The following AFF2 variants were observed in gnomAD, a reference collection of about 807,000 sequenced individuals.
The protein encoded by AFF2 is AF4/FMR2 family member 2.
AFF2 carries 14 observed loss-of-function variants against 76.9 expected under a neutral mutation model. That is an observed-to-expected ratio of 0.18 (90% CI 0.12 to 0.28). The LOEUF (loss-of-function observed/expected upper bound fraction) is 0.28. AFF2 is among the 10% of genes least tolerant of loss of function. AFF2 has a pLI of 1.00. For synonymous variants in AFF2, 398 were observed against 366.7 expected (o/e 1.09, Z -0.98); for missense variants, 868 against 1,001.1 (o/e 0.87, Z 1.79).
intron 3 of AFF2, among the ~76,000 whole-genome samples, chrX:148,673,952 T>TA (rs1257649374): frequency 8.9e-6 from 1 of 112,778 alleles, no homozygotes; most frequent in Non-Finnish European, 1.9e-5. Flanking sequence ...AGATAATAGA[T>TA]AAAAAATAAT....
intron 1 of AFF2, among the ~76,000 whole-genome samples, chrX:148,520,846 A>G (rs948542333): frequency 3.6e-5 from 4 of 112,428 alleles, no homozygotes; most frequent in Middle Eastern, 4.2e-3. Context: ...GTTTTGATCA[A>G]TCTCTTTCAT....
chrX:148,736,421 T>G (rs2055285913), intron 3 of AFF2, among the ~76,000 whole-genome samples: 1 of 112,199 alleles, frequency 8.9e-6, no homozygotes, highest in South Asian at 3.7e-4. Context: ...TATCTTCTTT[T>G]GAGAATTGTC....
intron 16 of AFF2, among the ~76,000 whole-genome samples, chrX:148,977,567 A>T (rs2072340593): frequency 9.2e-6 from 1 of 108,861 alleles, no homozygotes; most frequent in Admixed American, 9.9e-5. Context: ...AACCAGTCAT[A>T]GTATTTAGCT....
chrX:148,781,854 T>A (rs1299390680), intron 3 of AFF2, among the ~76,000 whole-genome samples: 3 of 111,904 alleles, frequency 2.7e-5, no homozygotes, highest in Non-Finnish European at 3.8e-5. Flanking sequence ...AATCTCCTGG[T>A]CTGTGGGTTG....
At chrX:148,539,978 T>C (rs934281468) in intron 1 of AFF2, among the ~76,000 whole-genome samples, 1 of 111,606 alleles carries the variant, frequency 9.0e-6, no homozygotes, top group Admixed American at 9.6e-5. Context: ...ATCTCTGCTT[T>C]AGAAAGACAC....
intron 8 of AFF2, among the ~76,000 whole-genome samples, chrX:148,899,646 T>C (rs2071333544): frequency 8.9e-6 from 1 of 111,980 alleles, no homozygotes. Flanking sequence ...TGGATGTATC[T>C]GCTAGTAGAA....
intron 7 of AFF2, among the ~76,000 whole-genome samples, chrX:148,879,743 A>C (rs1215713170): frequency 2.0e-5 from 2 of 100,094 alleles, no homozygotes; most frequent in South Asian, 5.1e-4. Context: ...GTGAAATATT[A>C]TTCTTCTTTT....
intron 15 of AFF2, among the ~76,000 whole-genome samples, chrX:148,969,771 G>A (rs1427118195): frequency 1.8e-5 from 2 of 110,922 alleles, no homozygotes; most frequent in Non-Finnish European, 3.8e-5. Flanking sequence ...TGGTGGGGGG[G>A]TGATATGGAA....
At chrX:148,638,222 A>G (rs1557254148) in intron 1 of AFF2, among the ~76,000 whole-genome samples, 1 of 112,013 alleles carries the variant, frequency 8.9e-6, no homozygotes, top group Non-Finnish European at 1.9e-5. Flanking sequence ...CTATAAAGAC[A>G]TTACCTGAGA....
intron 1 of AFF2, among the ~76,000 whole-genome samples, chrX:148,514,104 ATG>A (rs2124200549): frequency 8.9e-6 from 1 of 112,079 alleles, no homozygotes. Flanking sequence ...CTTTATAGAA[ATG>A]GTCCAGGTTC....
intron 9 of AFF2, among the ~76,000 whole-genome samples, chrX:148,928,319 A>G (rs893283901): frequency 8.9e-6 from 1 of 112,609 alleles, no homozygotes. Context: ...TTTTCTGTCA[A>G]TTCTACTGGG....
chrX:148,959,942 C>A lies in AFF2; in HGVS notation c.2690+1484C>A, dbSNP rs782613078. On this transcript the variant is annotated intron_variant, in intron 12 of 20. Transcript: ENST00000370460. ...GCCTTGCCACAGCCTTTGGTCCCCA[C>A]TGCTACACTCTCTAGGTGACCCAGT... 6.2e-5 allele frequency among the ~76,000 whole-genome samples: 7 copies of A among 112,967 alleles called. No individual in the cohort carries two copies. The South Asian group carries it at 2.6e-3, about 42-fold the overall frequency.
At chrX:148,646,345 A>G (rs1450437230) in intron 1 of AFF2, among the ~76,000 whole-genome samples, 2 of 111,864 alleles carry the variant, frequency 1.8e-5, no homozygotes, top group African/African-American at 6.5e-5. Context: ...AGAGGACTAG[A>G]AAAGAAGCAA....
intron 18 of AFF2, among the ~76,000 whole-genome samples, chrX:148,979,642 T>C (rs1312450753): frequency 8.9e-6 from 1 of 112,214 alleles, no homozygotes; most frequent in East Asian, 2.8e-4. Flanking sequence ...TGATCACACT[T>C]TGAGACCCAC....
At chrX:148,621,386 C>T (rs781804552) in intron 1 of AFF2, among the ~76,000 whole-genome samples, 5 of 110,171 alleles carry the variant, frequency 4.5e-5, no homozygotes. Context: ...TAAACCACAC[C>T]CTTTATCCAT....
intron 1 of AFF2, among the ~76,000 whole-genome samples, chrX:148,504,155 G>A (rs1557232205): frequency 9.0e-6 from 1 of 111,061 alleles, no homozygotes; most frequent in Non-Finnish European, 1.9e-5. Context: ...ATTTAAGAGG[G>A]AAAAAAAGCA....
In AFF2 at chrX:148,676,297, C is replaced by T. The variant is rs373905835; in HGVS notation, c.1041+13529C>T. On this transcript the variant is annotated intron_variant, in intron 3 of 20. Coordinates refer to ENST00000370460, the MANE Select transcript of AFF2 (RefSeq NM_002025.4). ...TCCTGACCTCGTGATCCACCCGCCT[C>T]GGCCTCCCAAAGTGCTGGGATTACA... is the stretch of plus-strand genomic sequence containing the variant. Among the ~76,000 whole-genome samples, 8 of 111,345 alleles carry T rather than the reference C, an allele frequency of 7.2e-5. No individual in the cohort carries two copies. The East Asian group carries it at 8.5e-4, about 12-fold the overall frequency.
chrX:148,964,183 A>G (rs1424087085), intron 13 of AFF2, among the ~76,000 whole-genome samples: 5 of 112,328 alleles, frequency 4.5e-5, no homozygotes, highest in Non-Finnish European at 9.4e-5. Flanking sequence ...ATCGTAAATC[A>G]GAGATGGCTC....
intron 2 of AFF2, among the ~76,000 whole-genome samples, chrX:148,657,796 A>G (rs782050901): frequency 1.8e-5 from 2 of 112,473 alleles, no homozygotes; most frequent in Non-Finnish European, 3.8e-5. Context: ...TAATTGATTG[A>G]AATGGCTGAA....
Sources: allele counts gnomAD v4.1 joint callset (sites outside exome capture counted in the v4.1 genomes callset), GRCh38; gene constraint gnomAD v4.1.1; transcripts MANE v1.5; gene names NCBI Gene and HGNC (gene_info 2026-07-23, HGNC 2026-07-21).